The following CBLN4 variants were observed in gnomAD, a reference collection of about 807,000 sequenced individuals.
CBLN4 encodes cerebellin 4 precursor.
In CBLN4, 7 loss-of-function variants were observed where a neutral mutation model predicts 14.9. The observed-to-expected ratio is 0.47, with a 90% CI of 0.27 to 0.88. CBLN4 has a LOEUF of 0.88. Among genes scored for constraint, CBLN4 ranks in the 40% least tolerant of loss-of-function variants. CBLN4 has a pLI of 0.14. For missense variants in CBLN4, 188 were observed against 256.8 expected (o/e 0.73, Z 1.83); for synonymous variants, 131 against 116.5 (o/e 1.12, Z -0.80).
chr20:55,998,780 T>G (rs1600860322), intron 2 of CBLN4, 26 bp from the exon 3 acceptor site: 2 of 1,566,396 alleles, frequency 1.3e-6, no homozygotes, highest in Non-Finnish European at 1.8e-6. Flanking sequence ...TAATAATAAT[T>G]GAAAAGTTCT....
Position 56,004,411 on chromosome 20 carries a change from A to C in CBLN4, c.-240T>G. ...TTAAGGAGCTCATGCAGCACCCTTT[A>C]CCCTACTCTCCTCCGCCCAAGAATC... On this transcript the variant is annotated 5_prime_UTR_variant, in exon 1 of 3. Transcript: ENST00000064571. The surrounding 1 kb of genome is among the most constrained non-coding windows in gnomAD (Gnocchi z 6.1). The C allele has an allele frequency of 2.2e-6, 1 of 444,904 alleles. No individual in the cohort carries two copies. 27.6% of individuals were successfully genotyped at this position (444,904 alleles called of 1,614,324 possible).
rs928737970 is a variant in CBLN4 at position 55,997,906 on chromosome 20, G to A, written c.*651C>T. On this transcript the variant is annotated 3_prime_UTR_variant, in exon 3 of 3. Coordinates refer to ENST00000064571, the MANE Select transcript of CBLN4 (RefSeq NM_080617.6). ...TTAGAAAATATAACTTGGAAAATAT[G>A]ACTCTTTCACATATACAATTAAAAT... The A allele has an allele frequency of 6.6e-6, 1 of 152,362 alleles. No homozygotes were observed. The highest frequency in any genetic ancestry group is 2.4e-5 in the African/African-American group (1 of 41,360). 9.4% of individuals were successfully genotyped at this position (152,362 alleles called of 1,614,324 possible).
intron 1 of CBLN4, among the ~76,000 whole-genome samples, chr20:56,003,027 C>CAAGCCAA (rs1326504209): frequency 1.3e-5 from 2 of 152,352 alleles, no homozygotes; most frequent in East Asian, 3.9e-4. Context: ...GGTTTCTCAT[C>CAAGCCAA]AAGCCAAACA....
chr20:56,003,553 T>G (rs1363082924), intron 1 of CBLN4, among the ~76,000 whole-genome samples: 2 of 152,182 alleles, frequency 1.3e-5, no homozygotes, highest in African/African-American at 4.8e-5. Context: ...GATAACGACG[T>G]CCAGGGACCA....
chr20:56,000,935 CCTCTT>C, intron 1 of CBLN4, 88 bp from the exon 2 acceptor site: 1 of 531,826 alleles, frequency 1.9e-6, no homozygotes. Flanking sequence ...CTCTTCCTCT[CCTCTT>C]CCTTCTTTCC....
intron 1 of CBLN4, among the ~76,000 whole-genome samples, chr20:56,002,330 C>T (rs1255794229): frequency 6.6e-6 from 1 of 152,200 alleles, no homozygotes; most frequent in Non-Finnish European, 1.5e-5. Context: ...ATTTGAGGTG[C>T]TTAGTGGTGA....
Position 55,998,263 on chromosome 20 carries a change from A to C in CBLN4, c.*294T>G. 1 of 388,054 alleles carries C rather than the reference A, an allele frequency of 2.6e-6. No homozygotes were observed. Among genetic ancestry groups the C allele is most frequent in the South Asian group, 4.2e-5 (1 of 24,070 alleles). The allele number at this position is 388,054 out of a possible 1,614,324, so 24.0% of individuals were successfully genotyped here. On this transcript the variant is annotated 3_prime_UTR_variant, in exon 3 of 3. Coordinates refer to ENST00000064571, the MANE Select transcript of CBLN4 (RefSeq NM_080617.6). ...AAATAAAATTCCACATCTGTAACTA[A>C]TTCAGTAATCCCAGGAAATGAAATT...
chr20:55,998,779 T>C (rs1986321903), intron 2 of CBLN4, 25 bp from the exon 3 acceptor site: 4 of 1,573,656 alleles, frequency 2.5e-6, no homozygotes, highest in Middle Eastern at 1.7e-4. Flanking sequence ...ATAATAATAA[T>C]TGAAAAGTTC....
chr20:55,999,388 A>G (rs966374218), intron 2 of CBLN4, among the ~76,000 whole-genome samples: 11 of 152,222 alleles, frequency 7.2e-5, no homozygotes, highest in African/African-American at 2.7e-4. Flanking sequence ...AGACCAAGGC[A>G]GGAGGATCAC....
rs1986321075 is a variant in CBLN4, at chr20:55,998,711, G to A, written c.452C>T (p.Ala151Val). 2 of 1,613,892 alleles carry A rather than the reference G, an allele frequency of 1.2e-6. No individual in the cohort carries two copies. The highest frequency in any genetic ancestry group is 1.3e-5 in the African/African-American group (1 of 74,914). Residue 151 changes from alanine (A) to valine (V), a missense_variant, in exon 3 of 3, where the codon GCG becomes GTG. By Grantham distance (64) the Ala-to-Val change is moderately conservative. Around this residue, in one of 2 missense-constraint regions of CBLN4, gnomAD observed 93 missense variants for 157.7 expected, o/e 0.59. Transcript: ENST00000064571. Reference sequence around the variant, plus strand: ...TTCACGAGTAACATCTTTGTCCCCCGCAAAGGCAGATATTACTGGTTTTCC... The same window carrying A: ...TTCACGAGTAACATCTTTGTCCCCCACAAAGGCAGATATTACTGGTTTTCC... ...LNGKPVISAFAGDKDVTREAA... is the reference protein window; with the variant it reads ...LNGKPVISAFVGDKDVTREAA...
rs527663276 is a variant in CBLN4, at chr20:55,997,443, CAT to C, written c.*1112_*1113del. 3.3e-5 allele frequency: 5 copies of C among 152,648 alleles called. No individual in the cohort carries two copies. In the South Asian group the frequency reaches 8.3e-4, roughly 25 times the overall value. 9.5% of individuals were successfully genotyped at this position (152,648 alleles called of 1,614,324 possible). A position where few individuals can be genotyped will look rare whatever the true frequency, so the allele number is the denominator to read the frequency against. On this transcript the variant is annotated 3_prime_UTR_variant, in exon 3 of 3. Transcript: ENST00000064571. ...GGAAAGAAAAAAACAATTCAACTAACATATATTAATCTTTATTCTATAACAGA... is the reference window on the plus strand; with the variant it reads ...GGAAAGAAAAAAACAATTCAACTAACATATTAATCTTTATTCTATAACAGA...
At chr20:55,999,502 C>T (rs1231819222) in intron 2 of CBLN4, among the ~76,000 whole-genome samples, 2 of 152,114 alleles carry the variant, frequency 1.3e-5, no homozygotes, top group African/African-American at 4.8e-5. Context: ...GTCACATGCA[C>T]CTATAGTCGT....
intron 2 of CBLN4, among the ~76,000 whole-genome samples, chr20:56,000,338 T>C (rs1986348241): frequency 6.6e-6 from 1 of 152,238 alleles, no homozygotes; most frequent in South Asian, 2.1e-4. Flanking sequence ...AAATGTGTTT[T>C]ATTTATTTAG....
chr20:56,000,265 T>A (rs1568831590), intron 2 of CBLN4, among the ~76,000 whole-genome samples: 2 of 152,238 alleles, frequency 1.3e-5, no homozygotes. Flanking sequence ...GTATTTTGAA[T>A]AGTTCCTCCT....
In CBLN4 at chr20:56,004,085, G is replaced by T. The variant is rs905118183; in HGVS notation, c.87C>A (p.Asn29Lys). 1.2e-6 allele frequency: 2 copies of T among 1,612,524 alleles called. No homozygotes were observed. Among genetic ancestry groups the T allele is most frequent in the African/African-American group, 1.3e-5 (1 of 74,902 alleles). ...CCTCCAGCACGATGGGCTCCGTGTC[G>T]TTCTGTGCCCAGACGGGCAGCCCCG... ...TLPGLPVWAQ[N>K]DTEPIVLEGK... Residue 29 changes from asparagine (N) to lysine (K), a missense_variant, in exon 1 of 3, where the codon AAC becomes AAA. Physicochemically the swap from Asn to Lys is moderately conservative, Grantham distance 94. Transcript: ENST00000064571. The surrounding 1 kb of genome is among the most constrained non-coding windows in gnomAD (Gnocchi z 6.1).
In CBLN4 at chr20:56,000,667, T is replaced by C. The variant is rs900572252; in HGVS notation, c.408+64A>G. The C allele has an allele frequency of 2.5e-5, 17 of 687,888 alleles. No homozygotes were observed. In the African/African-American group the frequency reaches 3.0e-4, roughly 12 times the overall value. The allele number at this position is 687,888 out of a possible 1,614,324, so 42.6% of individuals were successfully genotyped here. On this transcript the variant is annotated intron_variant, in intron 2 of 2. Coordinates refer to ENST00000064571, the MANE Select transcript of CBLN4 (RefSeq NM_080617.6). ...ACAACTTTGGATAAGTACTTAAATA[T>C]ATAACCCACTAAAGATAAGCACAGT...
chr20:56,002,244 T>C (rs933057171), intron 1 of CBLN4, among the ~76,000 whole-genome samples: 2 of 152,252 alleles, frequency 1.3e-5, no homozygotes, highest in African/African-American at 4.8e-5. Context: ...ATAGATGGTC[T>C]TTCAACAAGT....
In CBLN4 at chr20:55,998,405, G is replaced by T; in HGVS notation, c.*152C>A. Reference sequence around the variant, plus strand: ...ACACACAAATAATCTGTGAAATTTTGTATTGGTTCAGACAGGCTAGAATCC... The same window carrying T: ...ACACACAAATAATCTGTGAAATTTTTTATTGGTTCAGACAGGCTAGAATCC... On this transcript the variant is annotated 3_prime_UTR_variant, in exon 3 of 3. Coordinates refer to ENST00000064571, the MANE Select transcript of CBLN4 (RefSeq NM_080617.6). 1.3e-6 allele frequency: 1 copy of T among 780,158 alleles called. No homozygotes were observed. The allele number at this position is 780,158 out of a possible 1,614,324, so 48.3% of individuals were successfully genotyped here. A position where few individuals can be genotyped will look rare whatever the true frequency, so the allele number is the denominator to read the frequency against.
Position 56,004,416 on chromosome 20 carries a change from A to T in CBLN4, c.-245T>A. 4.8e-6 allele frequency: 2 copies of T among 419,800 alleles called. No homozygotes were observed. The highest frequency in any genetic ancestry group is 8.3e-6 in the Non-Finnish European group (2 of 241,846). The allele number at this position is 419,800 out of a possible 1,614,324, so 26.0% of individuals were successfully genotyped here. A position where few individuals can be genotyped will look rare whatever the true frequency, so the allele number is the denominator to read the frequency against. On this transcript the variant is annotated 5_prime_UTR_variant, in exon 1 of 3. Coordinates refer to ENST00000064571, the MANE Select transcript of CBLN4 (RefSeq NM_080617.6). The surrounding 1 kb of genome is among the most constrained non-coding windows in gnomAD (Gnocchi z 6.1). ...GAGCTCATGCAGCACCCTTTACCCT[A>T]CTCTCCTCCGCCCAAGAATCAGCCC...
Sources: allele counts gnomAD v4.1 joint callset (sites outside exome capture counted in the v4.1 genomes callset), GRCh38; gene constraint gnomAD v4.1.1; regional missense constraint gnomAD v4.1.1; non-coding constraint Gnocchi (gnomAD v3.1); transcripts MANE v1.5; gene names NCBI Gene and HGNC (gene_info 2026-07-23, HGNC 2026-07-21).